Variants in STPG2 observed in about 807,000 individuals in gnomAD.
STPG2 encodes the protein sperm tail PG-rich repeat containing 2.
A neutral mutation model predicts 54.2 loss-of-function variants in STPG2; 56 were observed. That is an observed-to-expected ratio of 1.03 (90% confidence interval 0.83 to 1.29). The LOEUF (loss-of-function observed/expected upper bound fraction) is 1.29. Among genes scored for constraint, STPG2 ranks in the 50% most tolerant of loss-of-function variants. The probability of loss-of-function intolerance (pLI) is 0.00; values close to 1 mark genes in which losing one functional copy is unlikely to be tolerated. For missense variants in STPG2, 596 were observed against 544.9 expected (o/e 1.09, Z -0.93); for synonymous variants, 200 against 181.8 (o/e 1.10, Z -0.81).
chr4:97,757,017 A>G (rs577201516), intron 9 of STPG2, among the ~76,000 whole-genome samples: 1 of 152,292 alleles, frequency 6.6e-6, no homozygotes, highest in South Asian at 2.1e-4. Flanking sequence ...CATGTGTAAG[A>G]GGCACTGTAA....
chr4:97,590,636 CAG>C lies in STPG2; in HGVS notation c.1321-31521_1321-31520del, dbSNP rs1403724395. ...TTTGGCCTACATACACACAGACACA[CAG>C]ACACACACACACACACACACACACA... On this transcript the variant is annotated intron_variant, in intron 10 of 10. Transcript: ENST00000295268. Among the ~76,000 whole-genome samples, 6 of 101,950 alleles carry C rather than the reference CAG, an allele frequency of 5.9e-5. No homozygotes were observed. The South Asian group carries it at 1.1e-3, about 18-fold the overall frequency. The allele number at this position is 101,950 out of a possible 152,430, so 66.9% of individuals were successfully genotyped here.
chr4:97,757,142 A>G (rs944208398), intron 9 of STPG2, among the ~76,000 whole-genome samples: 1 of 152,210 alleles, frequency 6.6e-6, no homozygotes, highest in Non-Finnish European at 1.5e-5. Context: ...CACTGATGAC[A>G]GCCATATTAC....
At chr4:97,781,182 G>A (rs148599155) in intron 9 of STPG2, among the ~76,000 whole-genome samples, 325 of 152,136 alleles carry the variant, frequency 2.1e-3, no homozygotes, top group African/African-American at 7.1e-3. Context: ...TTGATAGACC[G>A]CTAGCAAGAC....
At chr4:97,728,216 C>G (rs1256332925) in intron 9 of STPG2, among the ~76,000 whole-genome samples, 1 of 148,246 alleles carries the variant, frequency 6.7e-6, no homozygotes, top group Non-Finnish European at 1.5e-5. Flanking sequence ...CTCCTCTAAT[C>G]AAAAAAAAAA....
intron 8 of STPG2, chr4:97,916,333 G>C (rs1180694133): frequency 1.3e-5 from 2 of 152,576 alleles, no homozygotes. Flanking sequence ...TGTTAACTTT[G>C]CTGCTGAGGT....
intron 6 of STPG2, among the ~76,000 whole-genome samples, chr4:97,978,756 A>G (rs1005163583): frequency 5.3e-5 from 8 of 152,250 alleles, no homozygotes; most frequent in African/African-American, 1.9e-4. Flanking sequence ...AGATTTGAAA[A>G]TAAACTGTTT....
intron 10 of STPG2, among the ~76,000 whole-genome samples, chr4:97,634,727 A>G (rs993866841): frequency 1.4e-4 from 21 of 152,138 alleles, no homozygotes; most frequent in Non-Finnish European, 2.8e-4. Context: ...ATCAACTGGA[A>G]GAAAGGGTAT....
At chr4:97,906,458 T>G (rs1216261407) in intron 8 of STPG2, among the ~76,000 whole-genome samples, 1 of 152,176 alleles carries the variant, frequency 6.6e-6, no homozygotes, top group Non-Finnish European at 1.5e-5. Context: ...CTGGTACCAT[T>G]CCTTCTGAAA....
At chr4:98,142,699 G>A (rs1021539066) in intron 1 of STPG2, among the ~76,000 whole-genome samples, 1 of 151,326 alleles carries the variant, frequency 6.6e-6, no homozygotes, top group Non-Finnish European at 1.5e-5. Flanking sequence ...ACGAGACAGC[G>A]GGAGGTAAGG....
chr4:97,660,914 C>G (rs1722357304), intron 10 of STPG2, among the ~76,000 whole-genome samples: 1 of 152,082 alleles, frequency 6.6e-6, no homozygotes, highest in Non-Finnish European at 1.5e-5. Context: ...TAGCTATATT[C>G]TAGCTAGTAA....
intron 10 of STPG2, among the ~76,000 whole-genome samples, chr4:97,561,077 AG>A (rs1442725480): frequency 2.0e-5 from 3 of 152,024 alleles, no homozygotes; most frequent in African/African-American, 7.2e-5. Context: ...ACAGTGTAAA[AG>A]TGTTCCTATT....
chr4:97,811,669 T>A (rs1727746520), intron 9 of STPG2, among the ~76,000 whole-genome samples: 1 of 150,788 alleles, frequency 6.6e-6, no homozygotes, highest in African/African-American at 2.5e-5. Flanking sequence ...TAAAGGAGAA[T>A]ATGTGGTAAT....
At chr4:97,507,398 A>C (rs904785079) in intron 4 of STPG2, among the ~76,000 whole-genome samples, 4 of 152,084 alleles carry the variant, frequency 2.6e-5, no homozygotes, top group Admixed American at 2.6e-4. Context: ...AAATTGACAA[A>C]ACGAAAATAA....
At chr4:97,469,100 C>G (rs1490602115) in intron 4 of STPG2, among the ~76,000 whole-genome samples, 2 of 152,072 alleles carry the variant, frequency 1.3e-5, no homozygotes, top group Non-Finnish European at 2.9e-5. Context: ...TGGTAATACT[C>G]TCACATATCT....
intron 5 of STPG2, among the ~76,000 whole-genome samples, chr4:98,012,412 A>T (rs1290191007): frequency 6.6e-6 from 1 of 152,212 alleles, no homozygotes; most frequent in Non-Finnish European, 1.5e-5. Flanking sequence ...CTTTTTGCTT[A>T]GGATTGTCTT....
chr4:97,541,100 G>T (rs916312109), intron 4 of STPG2, among the ~76,000 whole-genome samples: 1 of 152,140 alleles, frequency 6.6e-6, no homozygotes, highest in African/African-American at 2.4e-5. Flanking sequence ...ATTCAAAATA[G>T]TGTTGGAAGT....
chr4:98,054,713 G>A (rs1737428858), intron 5 of STPG2, among the ~76,000 whole-genome samples: 2 of 152,054 alleles, frequency 1.3e-5, no homozygotes, highest in Non-Finnish European at 2.9e-5. Flanking sequence ...TTAAAATAAT[G>A]AGGCTTGTGT....
chr4:97,455,637 C>A (rs1027835070), intron 4 of STPG2, among the ~76,000 whole-genome samples: 4 of 152,162 alleles, frequency 2.6e-5, no homozygotes, highest in Non-Finnish European at 4.4e-5. Flanking sequence ...TAAAACCTTA[C>A]GTTCATTCTC....
At chr4:97,455,224 A>T (rs1425775532) in intron 4 of STPG2, among the ~76,000 whole-genome samples, 1 of 152,158 alleles carries the variant, frequency 6.6e-6, no homozygotes, top group East Asian at 1.9e-4. Context: ...TGGGGCAGGG[A>T]AGTGCTGGGA....
Sources: gnomAD v4.1 joint callset for allele counts (sites outside exome capture counted in the v4.1 genomes callset) on GRCh38, gnomAD v4.1.1 for gene constraint, MANE v1.5 for transcripts, NCBI Gene and HGNC (gene_info 2026-07-23, HGNC 2026-07-21) for gene names.